SCAI: variants seen among roughly 807,000 people sequenced by gnomAD.
The protein encoded by SCAI is protein SCAI.
Under a neutral mutation model 92.2 loss-of-function variants are expected in SCAI, and 24 were observed. That is an observed-to-expected ratio of 0.26 (90% CI 0.19 to 0.37). The LOEUF is 0.37. Ranked by LOEUF, SCAI falls within the 10% of genes least tolerant of loss-of-function variation. The pLI is 1.00. For missense variants in SCAI, 450 were observed against 736.2 expected, an observed-to-expected ratio of 0.61 and a Z score of 4.50; for synonymous variants, 261 against 258.6, an observed-to-expected ratio of 1.01 and a Z score of -0.09.
intron 14 of SCAI, among the ~76,000 whole-genome samples, chr9:124,980,905 C>T (rs188667202): frequency 1.1e-4 from 16 of 152,194 alleles, no homozygotes; most frequent in African/African-American, 3.6e-4. Flanking sequence ...TACATGAATA[C>T]CTTCTATCAG....
At chr9:125,092,260 A>C (rs1320289545) in intron 2 of SCAI, among the ~76,000 whole-genome samples, 1 of 151,184 alleles carries the variant, frequency 6.6e-6, no homozygotes, top group Non-Finnish European at 1.5e-5. Flanking sequence ...GGAGTTCAAG[A>C]CCACCTGGCC....
intron 14 of SCAI, among the ~76,000 whole-genome samples, chr9:124,983,271 C>T (rs1831923863): frequency 6.6e-6 from 1 of 152,080 alleles, no homozygotes; most frequent in African/African-American, 2.4e-5. Flanking sequence ...CTAGACACTG[C>T]TACAGGTGCT....
rs150879128 is a variant in SCAI, at chr9:125,141,647, AT to A, written c.98+985del. 8.0e-3 allele frequency among the ~76,000 whole-genome samples: 1,224 copies of A among 152,376 alleles called. 21 individuals carry two copies. Among genetic ancestry groups the A allele is most frequent in the African/African-American group, 0.028 (1,146 of 41,586 alleles). Reference sequence around the variant, plus strand: ...GTGTCCAACGACAAAAGATAAAGCAATAAGAAAACCTACTTTCAATTGCATA... The same window carrying A: ...GTGTCCAACGACAAAAGATAAAGCAAAAGAAAACCTACTTTCAATTGCATA... On this transcript the variant is annotated intron_variant, in intron 2 of 17. Transcript: ENST00000336505.
At chr9:124,988,658 G>C (rs1832047093) in intron 14 of SCAI, among the ~76,000 whole-genome samples, 1 of 151,960 alleles carries the variant, frequency 6.6e-6, no homozygotes, top group Non-Finnish European at 1.5e-5. Context: ...ATGTATTAAA[G>C]AGCAAAGGAC....
intron 15 of SCAI, among the ~76,000 whole-genome samples, chr9:124,974,674 G>A (rs1831722226): frequency 6.6e-6 from 1 of 152,152 alleles, no homozygotes; most frequent in South Asian, 2.1e-4. Context: ...AATTTAAGGT[G>A]TTAGAGGTCT....
rs552251503 is a variant in SCAI at position 125,131,132 on chromosome 9, G to A, written c.98+11501C>T. Reference sequence around the variant, plus strand: ...TTTTAAAAAATTATTAGCACTGGGCGCAGTGGCTCACGCCTGTAATCCAAA... The same window carrying A: ...TTTTAAAAAATTATTAGCACTGGGCACAGTGGCTCACGCCTGTAATCCAAA... On this transcript the variant is annotated intron_variant, in intron 2 of 17. Coordinates refer to ENST00000336505, the MANE Select transcript of SCAI (RefSeq NM_001144877.3). 8.6e-5 allele frequency among the ~76,000 whole-genome samples: 13 copies of A among 151,586 alleles called. 1 individual carries two copies. In the South Asian group the frequency reaches 2.7e-3, roughly 32 times the overall value.
At chr9:125,133,738 A>G (rs1835456225) in intron 2 of SCAI, among the ~76,000 whole-genome samples, 1 of 151,622 alleles carries the variant, frequency 6.6e-6, no homozygotes, top group South Asian at 2.1e-4. Context: ...GACCTGTTCA[A>G]AAAACAAAAA....
intron 9 of SCAI, among the ~76,000 whole-genome samples, chr9:125,016,387 C>CAATAAATAAATAAATAAATAAATA (rs77877356): frequency 7.6e-6 from 1 of 131,650 alleles, no homozygotes; most frequent in African/African-American, 2.9e-5. Flanking sequence ...GACTCTGTCT[C>CAATAAATAAATAAATAAATAAATA]AATAAATAAA....
intron 3 of SCAI, among the ~76,000 whole-genome samples, chr9:125,043,588 G>A (rs1030798876): frequency 3.4e-4 from 52 of 152,300 alleles, no homozygotes; most frequent in African/African-American, 1.2e-3. Context: ...AGCCTCCTGA[G>A]TAGCTGGGAC....
intron 3 of SCAI, among the ~76,000 whole-genome samples, chr9:125,039,385 C>CAAAAAAAAAAA (rs58716034): frequency 2.9e-4 from 14 of 47,856 alleles, no homozygotes; most frequent in Admixed American, 4.6e-4. Context: ...GACTCCATCT[C>CAAAAAAAAAAA]AAAAAAAAAA....
intron 2 of SCAI, among the ~76,000 whole-genome samples, chr9:125,107,882 G>A (rs1373917427): frequency 2.6e-5 from 4 of 152,124 alleles, no homozygotes; most frequent in Non-Finnish European, 5.9e-5. Context: ...CTGATGCCGA[G>A]CGGAAGCTGG....
In SCAI at chr9:124,968,527, C is replaced by T. The variant is rs1831585321; in HGVS notation, c.1674+2843G>A. ...GTTGCTAGATCTCTACCCAGTTTAC[C>T]AGTTAAGACACCACTCCCAAAGGAA... On this transcript the variant is annotated intron_variant, in intron 17 of 17. Transcript: ENST00000336505. 20 of 855,556 alleles carry T rather than the reference C, an allele frequency of 2.3e-5. No homozygotes were observed. In the South Asian group the frequency reaches 2.6e-4, roughly 11 times the overall value. 53.0% of individuals were successfully genotyped at this position (855,556 alleles called of 1,614,324 possible). A position where few individuals can be genotyped will look rare whatever the true frequency, so the allele number is the denominator to read the frequency against.
At chr9:125,016,365 G>A (rs907362904) in intron 9 of SCAI, among the ~76,000 whole-genome samples, 1 of 147,500 alleles carries the variant, frequency 6.8e-6, no homozygotes, top group Non-Finnish European at 1.5e-5. Flanking sequence ...TCCAGCCTAG[G>A]AGACAGAGCA....
intron 2 of SCAI, among the ~76,000 whole-genome samples, chr9:125,123,874 A>G (rs1391218488): frequency 1.3e-5 from 2 of 152,258 alleles, no homozygotes; most frequent in African/African-American, 2.4e-5. Flanking sequence ...CTCCCCGTCT[A>G]GAAAAGAATT....
chr9:124,982,086 C>T (rs1831898013), intron 14 of SCAI, among the ~76,000 whole-genome samples: 1 of 152,100 alleles, frequency 6.6e-6, no homozygotes, highest in Admixed American at 6.6e-5. Context: ...AGTTTTCTTT[C>T]ATGTGTGCTA....
chr9:125,131,953 T>C (rs2131266156), intron 2 of SCAI, among the ~76,000 whole-genome samples: 1 of 152,244 alleles, frequency 6.6e-6, no homozygotes, highest in African/African-American at 2.4e-5. Context: ...CCTACAGAAA[T>C]ACCCTGCAGT....
intron 14 of SCAI, among the ~76,000 whole-genome samples, chr9:124,983,203 T>C (rs1831922659): frequency 6.6e-6 from 1 of 150,814 alleles, no homozygotes; most frequent in Non-Finnish European, 1.5e-5. Context: ...CAGTATATAA[T>C]GTTCTTTTTA....
At chr9:125,098,432 G>C (rs1303354144) in intron 2 of SCAI, among the ~76,000 whole-genome samples, 1 of 152,068 alleles carries the variant, frequency 6.6e-6, no homozygotes, top group Non-Finnish European at 1.5e-5. Context: ...AATTATAAAA[G>C]AGACTTAATA....
chr9:125,059,104 A>G (rs1833725874), intron 2 of SCAI, among the ~76,000 whole-genome samples: 1 of 152,222 alleles, frequency 6.6e-6, no homozygotes, highest in Admixed American at 6.5e-5. Flanking sequence ...ATTTCACAGC[A>G]GTAAAATCCA....
Sources: allele counts gnomAD v4.1 joint callset (sites outside exome capture counted in the v4.1 genomes callset), GRCh38; gene constraint gnomAD v4.1.1; transcripts MANE v1.5; gene names NCBI Gene and HGNC (gene_info 2026-07-23, HGNC 2026-07-21).